Variants in CCBE1 observed in about 807,000 individuals in gnomAD.
CCBE1 encodes the protein collagen and calcium binding EGF domains 1, also known as collagen and calcium-binding EGF domain-containing protein 1.
CCBE1 carries 37 observed loss-of-function variants against 50.0 expected under a neutral mutation model. That is an observed-to-expected ratio of 0.74 (90% confidence interval 0.57 to 0.97). The LOEUF (loss-of-function observed/expected upper bound fraction) is 0.97. Among genes scored for constraint, CCBE1 ranks in the 50% least tolerant of loss-of-function variants. CCBE1 has a pLI of 0.00. For missense variants in CCBE1, 538 were observed against 523.8 expected (o/e 1.03, Z -0.26); for synonymous variants, 234 against 203.7 (o/e 1.15, Z -1.27).
chr18:59,535,094 G>A (rs1337896240), intron 2 of CCBE1, among the ~76,000 whole-genome samples: 1 of 152,146 alleles, frequency 6.6e-6, no homozygotes, highest in East Asian at 1.9e-4. Flanking sequence ...TGTGAAAACT[G>A]CACTAAAATG....
chr18:59,533,310 C>T (rs1243245486), intron 2 of CCBE1, among the ~76,000 whole-genome samples: 1 of 152,158 alleles, frequency 6.6e-6, no homozygotes, highest in Admixed American at 6.5e-5. Flanking sequence ...TATGAATCTG[C>T]ATTTGTCTTT....
At chr18:59,616,940 T>C (rs1206218651) in intron 2 of CCBE1, among the ~76,000 whole-genome samples, 2 of 152,234 alleles carry the variant, frequency 1.3e-5, no homozygotes, top group Non-Finnish European at 2.9e-5. Flanking sequence ...GGAAGGATAC[T>C]GCCTGTCATG....
intron 3 of CCBE1, among the ~76,000 whole-genome samples, chr18:59,474,313 T>C (rs555443753): frequency 1.8e-4 from 28 of 152,316 alleles, no homozygotes; most frequent in Non-Finnish European, 3.5e-4. Context: ...GCTGCTCTAG[T>C]TTATTCACGG....
intron 2 of CCBE1, among the ~76,000 whole-genome samples, chr18:59,487,746 A>G (rs1262175511): frequency 6.6e-6 from 1 of 152,352 alleles, no homozygotes; most frequent in South Asian, 2.1e-4. Flanking sequence ...AACACGTACA[A>G]TTACTGATGG....
intron 2 of CCBE1, among the ~76,000 whole-genome samples, chr18:59,638,795 A>T (rs1042587978): frequency 6.6e-6 from 1 of 152,264 alleles, no homozygotes; most frequent in African/African-American, 2.4e-5. Context: ...GATAGCATTT[A>T]TAATATTAAA....
intron 2 of CCBE1, among the ~76,000 whole-genome samples, chr18:59,654,305 C>A (rs908006090): frequency 6.6e-6 from 1 of 152,142 alleles, no homozygotes; most frequent in East Asian, 1.9e-4. Flanking sequence ...TGGGCACACG[C>A]GTATGTGTGG....
At chr18:59,682,403 C>T (rs1425535714) in intron 2 of CCBE1, among the ~76,000 whole-genome samples, 1 of 152,140 alleles carries the variant, frequency 6.6e-6, no homozygotes, top group African/African-American at 2.4e-5. Context: ...GAACCACGTG[C>T]TATCTGGTTA....
chr18:59,486,904 T>C (rs1912848848), intron 2 of CCBE1, among the ~76,000 whole-genome samples: 1 of 151,802 alleles, frequency 6.6e-6, no homozygotes, highest in African/African-American at 2.4e-5. Context: ...TGTAAGCTTG[T>C]TATTACCAAA....
intron 2 of CCBE1, among the ~76,000 whole-genome samples, chr18:59,608,023 C>A (rs777184563): frequency 1.3e-5 from 2 of 152,086 alleles, no homozygotes; most frequent in African/African-American, 4.8e-5. Flanking sequence ...TGTAGTGAGC[C>A]GATATTGCGC....
intron 2 of CCBE1, among the ~76,000 whole-genome samples, chr18:59,535,993 G>A (rs1286491284): frequency 6.6e-6 from 1 of 152,112 alleles, no homozygotes; most frequent in Non-Finnish European, 1.5e-5. Context: ...TGGCTGGTGT[G>A]TAATTCTATG....
At chr18:59,557,811 G>A (rs1037854665) in intron 2 of CCBE1, among the ~76,000 whole-genome samples, 2 of 152,006 alleles carry the variant, frequency 1.3e-5, no homozygotes, top group Admixed American at 6.6e-5. Context: ...TCGCTGCTTC[G>A]TTCTTTCATT....
chr18:59,658,339 A>T (rs2054219887), intron 2 of CCBE1, among the ~76,000 whole-genome samples: 2 of 35,678 alleles, frequency 5.6e-5, no homozygotes, highest in Admixed American at 5.4e-4. Flanking sequence ...AAAAAAAAAA[A>T]AAAAAAAAAA....
intron 2 of CCBE1, among the ~76,000 whole-genome samples, chr18:59,583,127 T>C (rs2053110869): frequency 6.6e-6 from 1 of 152,226 alleles, no homozygotes; most frequent in Non-Finnish European, 1.5e-5. Flanking sequence ...CTGGTAACCA[T>C]TTTTTAAGGC....
intron 2 of CCBE1, among the ~76,000 whole-genome samples, chr18:59,493,101 C>T (rs770716071): frequency 3.9e-5 from 6 of 152,296 alleles, no homozygotes; most frequent in East Asian, 1.9e-4. Context: ...TTCCAAGTTT[C>T]GTCTGCAGGT....
chr18:59,481,992 C>G (rs533788299), intron 2 of CCBE1, among the ~76,000 whole-genome samples: 1 of 152,276 alleles, frequency 6.6e-6, no homozygotes, highest in South Asian at 2.1e-4. Flanking sequence ...AACCTGTCGT[C>G]CAGGTTTTAA....
intron 6 of CCBE1, among the ~76,000 whole-genome samples, chr18:59,450,752 C>T (rs1476238623): frequency 6.6e-6 from 1 of 152,224 alleles, no homozygotes; most frequent in African/African-American, 2.4e-5. Context: ...CCAGACTGGT[C>T]TGTATCTCTT....
At chr18:59,569,647 A>G (rs553327282) in intron 2 of CCBE1, among the ~76,000 whole-genome samples, 30 of 152,064 alleles carry the variant, frequency 2.0e-4, no homozygotes, top group South Asian at 4.2e-4. Flanking sequence ...AAAAAAAAAA[A>G]AGAGACAGGG....
intron 5 of CCBE1, among the ~76,000 whole-genome samples, chr18:59,456,706 G>A (rs907994765): frequency 1.3e-5 from 2 of 152,352 alleles, no homozygotes; most frequent in Admixed American, 6.5e-5. Context: ...TGGAGGGAGA[G>A]ATGGGCATGA....
intron 2 of CCBE1, among the ~76,000 whole-genome samples, chr18:59,658,929 T>G (rs1165850915): frequency 6.6e-6 from 1 of 150,650 alleles, no homozygotes; most frequent in African/African-American, 2.4e-5. Context: ...ATAATCTTTA[T>G]TGTATATAAA....
Sources: gnomAD v4.1 joint callset for allele counts (sites outside exome capture counted in the v4.1 genomes callset) on GRCh38, gnomAD v4.1.1 for gene constraint, MANE v1.5 for transcripts, NCBI Gene and HGNC (gene_info 2026-07-23, HGNC 2026-07-21) for gene names.